Variants in LUC7L3 observed in about 807,000 individuals in gnomAD.
LUC7L3 encodes LUC7 like 3 pre-mRNA splicing factor.
LUC7L3 carries 6 observed loss-of-function variants against 66.8 expected under a neutral mutation model. That is an observed-to-expected ratio of 0.09 (90% CI 0.05 to 0.18). The LOEUF (loss-of-function observed/expected upper bound fraction) is 0.18. Among genes scored for constraint, LUC7L3 ranks in the 10% least tolerant of loss-of-function variants. The pLI is 1.00. For missense variants in LUC7L3, 341 were observed against 531.1 expected, an observed-to-expected ratio of 0.64 and a Z score of 3.52; for synonymous variants, 160 against 174.7, an observed-to-expected ratio of 0.92 and a Z score of 0.66.
In LUC7L3 at chr17:50,719,661, G is replaced by T; in HGVS notation, c.-72G>T. On this transcript the variant is annotated 5_prime_UTR_variant, in exon 1 of 10. Transcript: ENST00000505658. The stretch of plus-strand genomic sequence containing the variant: ...GGCCTGAGAGCGGGCCGAGGAGATT[G>T]GCGACGGTGTCGCCCGTGTTTTCGT... The T allele has an allele frequency of 7.7e-7, 1 of 1,305,420 alleles. No homozygotes were observed. Among genetic ancestry groups the T allele is most frequent in the Non-Finnish European group, 1.1e-6 (1 of 919,408 alleles). 80.9% of individuals were successfully genotyped at this position (1,305,420 alleles called of 1,614,324 possible).
chr17:50,728,730 T>G lies in LUC7L3; in HGVS notation c.100-8230T>G, dbSNP rs550757378. On this transcript the variant is annotated intron_variant, in intron 1 of 9. Coordinates refer to ENST00000505658, the MANE Select transcript of LUC7L3 (RefSeq NM_016424.5). ...CTCCATGCTTGGCTAATTTTTGTAT[T>G]TTTAGTAGAGACGGCGTTTCGCCAT... Among the ~76,000 whole-genome samples the G allele has an allele frequency of 2.6e-4, 40 of 152,332 alleles. 1 individual carries two copies. Among genetic ancestry groups the G allele is most frequent in the Admixed American group, 7.8e-4 (12 of 15,306 alleles).
rs764103161 is a variant in LUC7L3 at position 50,750,672 on chromosome 17, A to AT, written c.*12dup. The AT allele has an allele frequency of 1.2e-5, 19 of 1,613,966 alleles. No homozygotes were observed. In the African/African-American group the frequency reaches 2.4e-4, roughly 20 times the overall value. On this transcript the variant is annotated 3_prime_UTR_variant, in exon 10 of 10. Transcript: ENST00000505658. ...ACTCAGTCCAATTAAAACTGATCTG[A>AT]TAAGACCTCAGATCAGACAGAGGTA... is the stretch of plus-strand genomic sequence containing the variant.
In LUC7L3 at chr17:50,745,884, CAG is replaced by C. The variant is rs1567876384; in HGVS notation, c.862_863del (p.Glu288LysfsTer10). On this transcript the variant is annotated frameshift_variant, in exon 8 of 10. Transcript: ENST00000505658. LOFTEE classifies it high-confidence loss of function. ...EEREKERARD[R>X]ERRKRSRSRS... is the part of the protein sequence containing the mutation. Reference sequence around the variant, plus strand: ...AAAGAGAAAAAGAAAGGGCTCGTGACAGAGAAAGAAGAAAGAGAAGTCGTTCA... The same window carrying C: ...AAAGAGAAAAAGAAAGGGCTCGTGACAGAAAGAAGAAAGAGAAGTCGTTCA... 1 of 1,609,986 alleles carries C rather than the reference CAG, an allele frequency of 6.2e-7. No individual in the cohort carries two copies. The highest frequency in any genetic ancestry group is 8.5e-7 in the Non-Finnish European group (1 of 1,177,528).
intron 1 of LUC7L3, among the ~76,000 whole-genome samples, chr17:50,736,213 ATT>A (rs1210233074): frequency 6.6e-6 from 1 of 152,192 alleles, no homozygotes; most frequent in Non-Finnish European, 1.5e-5. Context: ...TGGAATTTTG[ATT>A]TACATGGTTT....
rs1380553337 is a variant in LUC7L3, at chr17:50,752,210, C to T, written c.*1549C>T. 8 of 1,282,652 alleles carry T rather than the reference C, an allele frequency of 6.2e-6. No individual in the cohort carries two copies. The highest frequency in any genetic ancestry group is 2.3e-5 in the Admixed American group (1 of 42,736). The allele number at this position is 1,282,652 out of a possible 1,614,324, so 79.5% of individuals were successfully genotyped here. A position where few individuals can be genotyped will look rare whatever the true frequency, so the allele number is the denominator to read the frequency against. On this transcript the variant is annotated 3_prime_UTR_variant, in exon 10 of 10. Coordinates refer to ENST00000505658, the MANE Select transcript of LUC7L3 (RefSeq NM_016424.5). ...AATTTTGCGTTGTAGGACTACTGTT[C>T]GAAGATTTTTGGAAGAATACTGAGA...
rs369486406 is a variant in LUC7L3 at position 50,719,615 on chromosome 17, C to A, written c.-118C>A. On this transcript the variant is annotated 5_prime_UTR_variant, in exon 1 of 10. Coordinates refer to ENST00000505658, the MANE Select transcript of LUC7L3 (RefSeq NM_016424.5). Reference sequence around the variant, plus strand: ...CGGCGGCCATTTTGTCTTGTCGGCTCCTGTGTGTAGGAGGGATTTCGGCCT... The same window carrying A: ...CGGCGGCCATTTTGTCTTGTCGGCTACTGTGTGTAGGAGGGATTTCGGCCT... The A allele has an allele frequency of 1.4e-5, 11 of 776,950 alleles. No homozygotes were observed. Among genetic ancestry groups the A allele is most frequent in the Non-Finnish European group, 1.9e-5 (9 of 483,110 alleles). 48.1% of individuals were successfully genotyped at this position (776,950 alleles called of 1,614,324 possible).
At chr17:50,731,912 T>C (rs1460511713) in intron 1 of LUC7L3, among the ~76,000 whole-genome samples, 1 of 152,146 alleles carries the variant, frequency 6.6e-6, no homozygotes, top group Non-Finnish European at 1.5e-5. Flanking sequence ...CCCCAGAGTC[T>C]GAAGAAGCTG....
chr17:50,742,207 A>G (rs533036036), intron 5 of LUC7L3, among the ~76,000 whole-genome samples: 4 of 152,360 alleles, frequency 2.6e-5, no homozygotes, highest in African/African-American at 4.8e-5. Flanking sequence ...TTTGACACCT[A>G]TGAGAATAGC....
chr17:50,726,431 C>T (rs1299307306), intron 1 of LUC7L3, among the ~76,000 whole-genome samples: 1 of 152,174 alleles, frequency 6.6e-6, no homozygotes, highest in Admixed American at 6.5e-5. Context: ...CTTGGCCTCC[C>T]AAAGTGCTGG....
At chr17:50,735,489 C>G (rs8068509) in intron 1 of LUC7L3, among the ~76,000 whole-genome samples, 12,883 of 151,308 alleles carry the variant, frequency 0.085, 696 homozygotes, top group Middle Eastern at 0.16. Flanking sequence ...TTTCCTTTTG[C>G]CTTTCCTTTC....
intron 1 of LUC7L3, chr17:50,723,195 A>G (rs1756763780): frequency 6.6e-6 from 1 of 152,234 alleles, no homozygotes; most frequent in South Asian, 2.1e-4. Context: ...TTTATATTCT[A>G]GATCTCAACC....
chr17:50,720,953 T>G (rs1413344654), intron 1 of LUC7L3, among the ~76,000 whole-genome samples: 1 of 152,148 alleles, frequency 6.6e-6, no homozygotes, highest in African/African-American at 2.4e-5. Flanking sequence ...AGAGTAGAAT[T>G]TATTGTTTTT....
At chr17:50,722,300 C>A (rs1020753906) in intron 1 of LUC7L3, 1 of 142,682 alleles carries the variant, frequency 7.0e-6, no homozygotes, top group Non-Finnish European at 1.5e-5. Flanking sequence ...CGGGTTCAAG[C>A]GATTCTCCTG....
chr17:50,730,296 A>C lies in LUC7L3; in HGVS notation c.100-6664A>C, dbSNP rs74477298. On this transcript the variant is annotated intron_variant, in intron 1 of 9. Transcript: ENST00000505658. ...CTATTATCTTTATGATAAGCAGTTTAACGAAAATAGTGCAGACAGGCCAGG... is the reference window on the plus strand; with the variant it reads ...CTATTATCTTTATGATAAGCAGTTTCACGAAAATAGTGCAGACAGGCCAGG... 6.8e-3 allele frequency among the ~76,000 whole-genome samples: 1,035 copies of C among 152,018 alleles called. 11 individuals carry two copies. Among genetic ancestry groups the C allele is most frequent in the Non-Finnish European group, 0.011 (727 of 67,974 alleles).
intron 1 of LUC7L3, among the ~76,000 whole-genome samples, chr17:50,733,311 A>C (rs954416297): frequency 6.6e-5 from 10 of 150,694 alleles, no homozygotes; most frequent in Non-Finnish European, 1.3e-4. Context: ...TGCTCACTGC[A>C]AGCTCCGCCT....
chr17:50,739,032 G>A (rs1477120026), intron 2 of LUC7L3, among the ~76,000 whole-genome samples: 1 of 152,076 alleles, frequency 6.6e-6, no homozygotes, highest in African/African-American at 2.4e-5. Context: ...GCCGGAGGGG[G>A]AAAAAGACAT....
chr17:50,750,293 T>C (rs1224927080), intron 9 of LUC7L3, among the ~76,000 whole-genome samples: 1 of 152,204 alleles, frequency 6.6e-6, no homozygotes, highest in African/African-American at 2.4e-5. Flanking sequence ...TTACCCACTA[T>C]TTTACCTTTT....
intron 5 of LUC7L3, 99 bp from the exon 6 acceptor site, chr17:50,743,606 CA>C: frequency 2.7e-6 from 2 of 727,592 alleles, no homozygotes; most frequent in African/African-American, 1.8e-5. Context: ...TGAAACCAAA[CA>C]AAAAAGATGG....
chr17:50,733,500 C>T (rs1567863902), intron 1 of LUC7L3, among the ~76,000 whole-genome samples: 1 of 148,734 alleles, frequency 6.7e-6, no homozygotes, highest in Non-Finnish European at 1.5e-5. Flanking sequence ...CTCCTGTGTT[C>T]ACGCCATTCT....
Sources: allele counts gnomAD v4.1 joint callset (sites outside exome capture counted in the v4.1 genomes callset), GRCh38; gene constraint gnomAD v4.1.1; transcripts MANE v1.5; gene names NCBI Gene and HGNC (gene_info 2026-07-23, HGNC 2026-07-21).